The following SHFL variants were observed in gnomAD, a reference collection of about 807,000 sequenced individuals.
The protein encoded by SHFL is shiftless antiviral inhibitor of ribosomal frameshifting, also known as shiftless antiviral inhibitor of ribosomal frameshifting protein.
Under a neutral mutation model 34.7 loss-of-function variants are expected in SHFL, and 12 were observed. The observed-to-expected ratio is 0.35, with a 90% CI of 0.22 to 0.56. The LOEUF (loss-of-function observed/expected upper bound fraction) is 0.56. Ranked by LOEUF, SHFL falls within the 20% of genes least tolerant of loss-of-function variation. SHFL has a pLI of 0.88. For missense variants in SHFL, 278 were observed against 411.1 expected (o/e 0.68, Z 2.80); for synonymous variants, 148 against 156.0 (o/e 0.95, Z 0.38).
At chr19:10,087,180 C>A in intron 2 of SHFL, 71 bp from the exon 3 acceptor site, 1 of 1,603,996 alleles carries the variant, frequency 6.2e-7, no homozygotes, top group South Asian at 1.1e-5. Context: ...CTCTGCGTCG[C>A]GGCTCTGGGT....
At position 10,091,611 on chromosome 19, in the gene SHFL, C is replaced by T. The variant is rs371748473; in HGVS notation, c.624C>T (p.Ala208=). 162 of 1,551,656 alleles carry T rather than the reference C, an allele frequency of 1.0e-4. No homozygotes were observed. The highest frequency in any genetic ancestry group is 1.3e-4 in the Non-Finnish European group (152 of 1,147,168). The change falls in exon 7 of 8, where the codon GCC becomes GCT. Residue 208 remains alanine (A), a synonymous_variant. Transcript: ENST00000253110. The surrounding 1 kb of genome is among the most constrained non-coding windows in gnomAD (Gnocchi z 8.2). ...RSTHTHSCSA[A]DCYNRREPHV... is the part of the protein sequence containing the mutation. ...CCCACACTCACTCCTGCTCAGCTGC[C>T]GACTGCTACAACCGGCGAGGTGAGG...
rs2088409090 is a variant in SHFL at position 10,092,355 on chromosome 19, ATT to A, written c.*54_*55del. On this transcript the variant is annotated 3_prime_UTR_variant, in exon 8 of 8. Coordinates refer to ENST00000253110, the MANE Select transcript of SHFL (RefSeq NM_018381.4). The stretch of plus-strand genomic sequence containing the variant: ...ACACGGTCTGTGGCTACTTTGTGTT[ATT>A]ATAAGATATGAGCTCAAACCGAGAT... The A allele has an allele frequency of 3.2e-6, 5 of 1,544,218 alleles. No homozygotes were observed. The highest frequency in any genetic ancestry group is 2.1e-5 in the Admixed American group (1 of 47,476).
At position 10,086,581 on chromosome 19, in the gene SHFL, C is replaced by T. The variant is rs914485297; in HGVS notation, c.21+133C>T. On this transcript the variant is annotated intron_variant, in intron 1 of 7. Transcript: ENST00000253110. This position sits in a 1 kb window ranked among gnomAD's most constrained non-coding sequence, Gnocchi z 5.2. Reference sequence around the variant, plus strand: ...CCCAGATCCTTACCCCTGCCTGGCGCTCGCCCCCCTTGAAAAGGAAAGTGA... The same window carrying T: ...CCCAGATCCTTACCCCTGCCTGGCGTTCGCCCCCCTTGAAAAGGAAAGTGA... 11 of 898,870 alleles carry T rather than the reference C, an allele frequency of 1.2e-5. No individual in the cohort carries two copies. Among genetic ancestry groups the T allele is most frequent in the Admixed American group, 3.8e-5 (1 of 26,530 alleles). The allele number at this position is 898,870 out of a possible 1,614,324, so 55.7% of individuals were successfully genotyped here.
chr19:10,093,147 G>T lies in SHFL; in HGVS notation c.*845G>T. 1.1e-5 allele frequency: 7 copies of T among 642,068 alleles called. No individual in the cohort carries two copies. The highest frequency in any genetic ancestry group is 2.4e-5 in the South Asian group (1 of 41,994). The allele number at this position is 642,068 out of a possible 1,614,324, so 39.8% of individuals were successfully genotyped here. ...GAACAGGAGTCTTGATTCTTTTTTTGCCTCATCAGAGAAGGAATCTGGACT... is the reference window on the plus strand; with the variant it reads ...GAACAGGAGTCTTGATTCTTTTTTTTCCTCATCAGAGAAGGAATCTGGACT... On this transcript the variant is annotated 3_prime_UTR_variant, in exon 8 of 8. Transcript: ENST00000253110.
At chr19:10,087,846 AATG>A (rs765833117) in intron 3 of SHFL, 1,764 of 166,102 alleles carry the variant, frequency 0.011, 37 homozygotes, top group African/African-American at 0.04. Context: ...TGAATGAATG[AATG>A]AATGAATGAA....
rs2088410888 is a variant in SHFL, at chr19:10,092,434, C to T, written c.*132C>T. On this transcript the variant is annotated 3_prime_UTR_variant, in exon 8 of 8. Coordinates refer to ENST00000253110, the MANE Select transcript of SHFL (RefSeq NM_018381.4). The stretch of plus-strand genomic sequence containing the variant: ...GGCCAAGATATTGACGGGGGGGATT[C>T]CTGGGTCCCATTTTCAGCGCCCAGG... The T allele has an allele frequency of 6.6e-7, 1 of 1,520,534 alleles. No individual in the cohort carries two copies. The highest frequency in any genetic ancestry group is 8.8e-7 in the Non-Finnish European group (1 of 1,133,480). The allele number at this position is 1,520,534 out of a possible 1,614,324, so 94.2% of individuals were successfully genotyped here. A position where few individuals can be genotyped will look rare whatever the true frequency, so the allele number is the denominator to read the frequency against.
Position 10,091,394 on chromosome 19 carries a change from A to T in SHFL, c.488+41A>T. On this transcript the variant is annotated intron_variant, in intron 6 of 7. Transcript: ENST00000253110. This position sits in a 1 kb window ranked among gnomAD's most constrained non-coding sequence, Gnocchi z 8.2. Reference sequence around the variant, plus strand: ...CCCAGCTCCCCCTCAGCCCTGCCCTACCCCAGCCCTGCCCCTCCCTGCCCT... The same window carrying T: ...CCCAGCTCCCCCTCAGCCCTGCCCTTCCCCAGCCCTGCCCCTCCCTGCCCT... The T allele has an allele frequency of 6.3e-7, 1 of 1,576,518 alleles. No homozygotes were observed. The highest frequency in any genetic ancestry group is 8.6e-7 in the Non-Finnish European group (1 of 1,158,184).
At position 10,091,177 on chromosome 19, in the gene SHFL, C is replaced by T; in HGVS notation, c.385-73C>T. ...GCCAGCCGCTGCAGCACACTGCTAG[C>T]CCTGACCCCAACCTCAGACACCTCT... On this transcript the variant is annotated intron_variant, in intron 5 of 7. Coordinates refer to ENST00000253110, the MANE Select transcript of SHFL (RefSeq NM_018381.4). This position sits in a 1 kb window ranked among gnomAD's most constrained non-coding sequence, Gnocchi z 8.2. The T allele has an allele frequency of 1.5e-6, 2 of 1,360,542 alleles. No individual in the cohort carries two copies. The highest frequency in any genetic ancestry group is 2.1e-6 in the Non-Finnish European group (2 of 969,656). 84.3% of individuals were successfully genotyped at this position (1,360,542 alleles called of 1,614,324 possible). A position where few individuals can be genotyped will look rare whatever the true frequency, so the allele number is the denominator to read the frequency against.
rs1274963026 is a variant in SHFL at position 10,086,806 on chromosome 19, G to GT, written c.22-123_22-122insT. On this transcript the variant is annotated intron_variant, in intron 1 of 7. Transcript: ENST00000253110. The surrounding 1 kb of genome is among the most constrained non-coding windows in gnomAD (Gnocchi z 5.2). ...AATGCCGTAAAGGGATGAAAGGCGGGGGGGGGGCGGCGGAGGCCAAAACCA... is the reference window on the plus strand; with the variant it reads ...AATGCCGTAAAGGGATGAAAGGCGGGTGGGGGGGCGGCGGAGGCCAAAACCA... The GT allele has an allele frequency of 5.9e-6, 7 of 1,189,536 alleles. No homozygotes were observed. The Admixed American group carries it at 7.4e-5, about 13-fold the overall frequency. The allele number at this position is 1,189,536 out of a possible 1,614,324, so 73.7% of individuals were successfully genotyped here. A position where few individuals can be genotyped will look rare whatever the true frequency, so the allele number is the denominator to read the frequency against.
At position 10,091,518 on chromosome 19, in the gene SHFL, C is replaced by G; in HGVS notation, c.531C>G (p.Cys177Trp). Residue 177 changes from cysteine (C) to tryptophan (W), a missense_variant, in exon 7 of 8, where the codon TGC becomes TGG. Cys to Trp is a radical substitution (Grantham distance 215). Transcript: ENST00000253110. This position sits in a 1 kb window ranked among gnomAD's most constrained non-coding sequence, Gnocchi z 8.2. ...GGTCCCCGTCCCCCTGCTACGGGTGCGGCTTCCCCGTGTATCCAACACGGA... is the reference window on the plus strand; with the variant it reads ...GGTCCCCGTCCCCCTGCTACGGGTGGGGCTTCCCCGTGTATCCAACACGGA... ...QMGSPSPCYG[C>W]GFPVYPTRIL... The G allele has an allele frequency of 6.5e-7, 1 of 1,547,314 alleles. No individual in the cohort carries two copies. Among genetic ancestry groups the G allele is most frequent in the Non-Finnish European group, 8.7e-7 (1 of 1,144,902 alleles).
chr19:10,087,480 C>G (rs1478153495), intron 3 of SHFL, 180 bp downstream of exon 3: 3 of 651,144 alleles, frequency 4.6e-6, no homozygotes, highest in Non-Finnish European at 5.4e-6. Context: ...GGCCAGGGAG[C>G]CTGCAAACAG....
chr19:10,092,806 C>A lies in SHFL; in HGVS notation c.*504C>A. On this transcript the variant is annotated 3_prime_UTR_variant, in exon 8 of 8. Transcript: ENST00000253110. ...TGAGGGGAGAGAGAGAGTCCATGTC[C>A]TCTCACCAGAATAAAAGCCTCTACC... 2 of 1,553,192 alleles carry A rather than the reference C, an allele frequency of 1.3e-6. No homozygotes were observed. Among genetic ancestry groups the A allele is most frequent in the Non-Finnish European group, 8.7e-7 (1 of 1,143,166 alleles).
rs1040105942 is a variant in SHFL, at chr19:10,086,704, C to A, written c.22-225C>A. 18 of 615,034 alleles carry A rather than the reference C, an allele frequency of 2.9e-5. No homozygotes were observed. The highest frequency in any genetic ancestry group is 1.9e-4 in the African/African-American group (10 of 53,760). 38.1% of individuals were successfully genotyped at this position (615,034 alleles called of 1,614,324 possible). ...GCCAGAGATAACCTGGCCGCCCCCC[C>A]ACACCTTAGGCTGGGACGCTCGCCC... On this transcript the variant is annotated intron_variant, in intron 1 of 7. Transcript: ENST00000253110. This position sits in a 1 kb window ranked among gnomAD's most constrained non-coding sequence, Gnocchi z 5.2.
Position 10,087,014 on chromosome 19 carries a change from G to A in SHFL, c.107G>A (p.Gly36Asp), listed in dbSNP as rs754631429. 2.5e-6 allele frequency: 4 copies of A among 1,613,264 alleles called. No individual in the cohort carries two copies. The highest frequency in any genetic ancestry group is 3.4e-6 in the Non-Finnish European group (4 of 1,179,582). Residue 36 changes from glycine (G) to aspartate (D), a missense_variant, in exon 2 of 8, where the codon GGC (glycine) becomes GAC (aspartate). Gly to Asp is a moderately conservative substitution (Grantham distance 94). This residue lies in a region of SHFL where 243 missense variants were observed against 386.2 expected (regional missense o/e 0.63). Coordinates refer to ENST00000253110, the MANE Select transcript of SHFL (RefSeq NM_018381.4). ...GCGGGGGCTCTGATGAGGAAATTCGGCAGCGACCACACGGGAGTGGGGCGC... is the reference window on the plus strand; with the variant it reads ...GCGGGGGCTCTGATGAGGAAATTCGACAGCGACCACACGGGAGTGGGGCGC... The part of the protein sequence containing the change: ...KKAGALMRKF[G>D]SDHTGVGRSI...
In SHFL at chr19:10,090,055, C is replaced by A. The variant is rs1192650779; in HGVS notation, c.384+8C>A. 1.8e-5 allele frequency: 29 copies of A among 1,596,788 alleles called. No homozygotes were observed. The highest frequency in any genetic ancestry group is 2.3e-5 in the Non-Finnish European group (27 of 1,172,458). On this transcript the variant is annotated splice_region_variant and intron_variant, in intron 5 of 7. Coordinates refer to ENST00000253110, the MANE Select transcript of SHFL (RefSeq NM_018381.4). ...GTGCCCCAGCGGAAGGAGGTGATGA[C>A]CTAAAACTTAACCTCGACTTTGACT...
chr19:10,090,085 C>T (rs2232066), intron 5 of SHFL, 38 bp downstream of exon 5: 10 of 1,575,860 alleles, frequency 6.3e-6, no homozygotes, highest in Middle Eastern at 1.7e-4. Context: ...TTGACTGTCC[C>T]GAACTCCACT....
In SHFL at chr19:10,086,991, G is replaced by C; in HGVS notation, c.84G>C (p.Ala28=). The C allele has an allele frequency of 1.9e-6, 3 of 1,613,592 alleles. No homozygotes were observed. The highest frequency in any genetic ancestry group is 1.7e-5 in the Admixed American group (1 of 59,976). Residue 28 remains alanine, a synonymous_variant, in exon 2 of 8, where the codon GCG becomes GCC. Coordinates refer to ENST00000253110, the MANE Select transcript of SHFL (RefSeq NM_018381.4). The surrounding 1 kb of genome is among the most constrained non-coding windows in gnomAD (Gnocchi z 5.2). The part of the protein sequence containing the change: ...KFHGKVSSKK[A]GALMRKFGSD... ...ATGGGAAGGTATCCTCCAAGAAGGCGGGGGCTCTGATGAGGAAATTCGGCA... is the reference window on the plus strand; with the variant it reads ...ATGGGAAGGTATCCTCCAAGAAGGCCGGGGCTCTGATGAGGAAATTCGGCA...
Position 10,092,733 on chromosome 19 carries a change from A to G in SHFL, c.*431A>G. The G allele has an allele frequency of 6.2e-7, 1 of 1,613,072 alleles. No individual in the cohort carries two copies. On this transcript the variant is annotated 3_prime_UTR_variant, in exon 8 of 8. Transcript: ENST00000253110. The stretch of plus-strand genomic sequence containing the variant: ...ACACACCGTTGAGGTTGGAGTGGGC[A>G]CAGGCATGGTACCACCAGCCTCCCC...
At chr19:10,089,864 C>G (rs773968451) in intron 4 of SHFL, 34 bp from the exon 5 acceptor site, 1 of 1,603,878 alleles carries the variant, frequency 6.2e-7, no homozygotes. Context: ...GGGTGACACC[C>G]CCCCACCTCA....
Sources: gnomAD v4.1 joint callset for allele counts on GRCh38, gnomAD v4.1.1 for gene constraint, gnomAD v4.1.1 regional missense constraint, Gnocchi (gnomAD v3.1) non-coding constraint, MANE v1.5 for transcripts, NCBI Gene and HGNC (gene_info 2026-07-23, HGNC 2026-07-21) for gene names.